RHPN1: variants seen among roughly 807,000 people sequenced by gnomAD.
RHPN1 encodes rhophilin Rho GTPase binding protein 1.
A neutral mutation model predicts 74.7 loss-of-function variants in RHPN1; 77 were observed. The ratio of observed to expected loss-of-function variants is 1.03; its 90% CI spans 0.86 to 1.25. The LOEUF (loss-of-function observed/expected upper bound fraction) is 1.25. RHPN1 is among the 50% of genes most tolerant of loss of function. The pLI, the probability that RHPN1 is intolerant of heterozygous loss-of-function variation, is 0.00. For missense variants in RHPN1, 987 were observed against 932.2 expected, an observed-to-expected ratio of 1.06 and a Z score of -0.77; for synonymous variants, 444 against 414.5, an observed-to-expected ratio of 1.07 and a Z score of -0.87.
intron 3 of RHPN1, among the ~76,000 whole-genome samples, chr8:143,377,086 G>T (rs1388216993): frequency 6.6e-6 from 1 of 151,728 alleles, no homozygotes; most frequent in Admixed American, 6.6e-5. Context: ...GCACGTGTGT[G>T]CATATATGTG....
chr8:143,367,714 A>G (rs1173215514), upstream of RHPN1: 1 of 152,220 alleles, frequency 6.6e-6, no homozygotes, highest in East Asian at 1.9e-4. Flanking sequence ...CTCAGCTCCA[A>G]GGCTCCGCTG....
upstream of RHPN1, among the ~76,000 whole-genome samples, chr8:143,365,083 A>G (rs1458476424): frequency 1.3e-5 from 2 of 152,202 alleles, no homozygotes. Context: ...AACAGTGGCC[A>G]AAATACACGG....
At chr8:143,368,790 C>T (rs949001922), upstream of RHPN1, 5 of 338,828 alleles carry the variant, frequency 1.5e-5, no homozygotes, top group Admixed American at 9.8e-5. Flanking sequence ...GGGCAATGGC[C>T]AGCTTCGCAC....
Position 143,384,102 on chromosome 8 carries a change from G to T in RHPN1, c.*1451G>T, listed in dbSNP as rs78344154. 5,694 of 152,224 alleles carry T rather than the reference G, an allele frequency of 0.037. 303 individuals carry two copies. Among genetic ancestry groups the T allele is most frequent in the African/African-American group, 0.13 (5,370 of 41,520 alleles). 9.4% of individuals were successfully genotyped at this position (152,224 alleles called of 1,614,324 possible). A position where few individuals can be genotyped will look rare whatever the true frequency, so the allele number is the denominator to read the frequency against. ...CTCCCCAACCTGCCTGAGCCGGGGT[G>T]GGGGTCCAGGTCCCCCACTTGCCCT... is the stretch of plus-strand genomic sequence containing the variant. On this transcript the variant is annotated 3_prime_UTR_variant, in exon 15 of 15. Transcript: ENST00000289013.
At chr8:143,377,344 G>A (rs749223219) in intron 3 of RHPN1, 36 bp from the exon 4 acceptor site, 3 of 1,575,702 alleles carry the variant, frequency 1.9e-6, no homozygotes, top group South Asian at 2.2e-5. Context: ...AGCAGGGTTT[G>A]GCCTTACAGT....
chr8:143,381,307 T>C lies in RHPN1; in HGVS notation c.1451T>C (p.Leu484Pro). The C allele has an allele frequency of 6.2e-7, 1 of 1,612,898 alleles. No individual in the cohort carries two copies. The highest frequency in any genetic ancestry group is 8.5e-7 in the Non-Finnish European group (1 of 1,179,630). The change falls in exon 12 of 15, where the codon CTG (leucine) becomes CCG (proline). Residue 484 changes from leucine (L) to proline (P), a missense_variant. Leu to Pro is a moderately conservative substitution (Grantham distance 98). Transcript: ENST00000289013. ...HQKPEARMPR[L>P]SQGKGPDIFH... ...AAGCCAGAGGCCAGGATGCCACGCC[T>C]GTCCCAGGGGAAGGGGCCTGACATC...
In RHPN1 at chr8:143,379,075, G is replaced by T; in HGVS notation, c.748G>T (p.Ala250Ser). Reference protein sequence around the residue: ...RRAMEAFQRAAGAFSLLRENF... With the variant: ...RRAMEAFQRASGAFSLLRENF... The stretch of plus-strand genomic sequence containing the variant: ...CGCTATGGAGGCCTTCCAGAGGGCC[G>T]CTGGTGAGGGCGGCCCGGGCCGCGG... The change falls in exon 7 of 15, where the codon GCT becomes TCT. Residue 250 changes from alanine to serine, a missense_variant. Ala to Ser is a moderately conservative substitution (Grantham distance 99, BLOSUM62 1). Coordinates refer to ENST00000289013, the MANE Select transcript of RHPN1 (RefSeq NM_052924.3). 6.6e-7 allele frequency: 1 copy of T among 1,509,944 alleles called. No individual in the cohort carries two copies. Among genetic ancestry groups the T allele is most frequent in the Non-Finnish European group, 8.8e-7 (1 of 1,130,540 alleles). 93.5% of individuals were successfully genotyped at this position (1,509,944 alleles called of 1,614,324 possible).
At chr8:143,377,621 G>A (rs146326037) in intron 4 of RHPN1, among the ~76,000 whole-genome samples, 166 bp downstream of exon 4, 356 of 152,208 alleles carry the variant, frequency 2.3e-3, no homozygotes, top group Middle Eastern at 0.01. Flanking sequence ...ATGGCCACAG[G>A]GACCCAGCCT....
rs750924830 is a variant in RHPN1, at chr8:143,376,511, G to A, written c.177-14G>A. 8.1e-6 allele frequency: 13 copies of A among 1,611,170 alleles called. No homozygotes were observed. Among genetic ancestry groups the A allele is most frequent in the South Asian group, 1.1e-5 (1 of 90,918 alleles). ...CCTTGGGGCTGGGCTTTCAACTGCC[G>A]CGGCCTCCCTCAGAGCCACCAGCAA... On this transcript the variant is annotated splice_polypyrimidine_tract_variant and intron_variant, in intron 2 of 14. Coordinates refer to ENST00000289013, the MANE Select transcript of RHPN1 (RefSeq NM_052924.3).
In RHPN1 at chr8:143,382,575, C is replaced by T. The variant is rs1385632265; in HGVS notation, c.1937C>T (p.Thr646Ile). 2 of 1,611,476 alleles carry T rather than the reference C, an allele frequency of 1.2e-6. No individual in the cohort carries two copies. The highest frequency in any genetic ancestry group is 2.7e-5 in the African/African-American group (2 of 75,030). Residue 646 changes from threonine to isoleucine, a missense_variant, in exon 15 of 15, where the codon ACT becomes ATT. Thr to Ile is a moderately conservative substitution (Grantham distance 89). Transcript: ENST00000289013. ...NWSRKAQQGK[T>I]GGCPQPCAPV... Reference sequence around the variant, plus strand: ...AGCCGAAAGGCCCAGCAGGGCAAGACTGGAGGCTGCCCCCAGCCCTGTGCC... The same window carrying T: ...AGCCGAAAGGCCCAGCAGGGCAAGATTGGAGGCTGCCCCCAGCCCTGTGCC...
In RHPN1 at chr8:143,381,359, C is replaced by G. The variant is rs781643663; in HGVS notation, c.1488+15C>G. The G allele has an allele frequency of 1.4e-5, 23 of 1,598,204 alleles. No homozygotes were observed. The East Asian group carries it at 5.2e-4, about 36-fold the overall frequency. ...TCCATCGGCTGGTGAGCACACCCGT[C>G]CCCAGGCACCGCCCAGCATGGGCAG... On this transcript the variant is annotated intron_variant, in intron 12 of 14. Coordinates refer to ENST00000289013, the MANE Select transcript of RHPN1 (RefSeq NM_052924.3).
Position 143,382,446 on chromosome 8 carries a change from G to A in RHPN1, c.1808G>A (p.Arg603Gln), listed in dbSNP as rs376102578. The A allele has an allele frequency of 3.6e-5, 57 of 1,568,458 alleles. No individual in the cohort carries two copies. The highest frequency in any genetic ancestry group is 3.1e-4 in the East Asian group (13 of 42,204). Residue 603 changes from arginine (R) to glutamine (Q), a missense_variant, in exon 15 of 15, where the codon CGG (arginine) becomes CAG (glutamine). Coordinates refer to ENST00000289013, the MANE Select transcript of RHPN1 (RefSeq NM_052924.3). ...SSRLPSLGDR[R>Q]PVLLGPRGLL... The stretch of plus-strand genomic sequence containing the variant: ...CTGTCCCTGCTGCAGGGGGACCGCC[G>A]GCCCGTCCTGCTGGGCCCCAGGGGG...
intron 14 of RHPN1, 101 bp from the exon 15 acceptor site, chr8:143,382,335 G>T (rs939169283): frequency 1.0e-5 from 11 of 1,051,088 alleles, no homozygotes; most frequent in Non-Finnish European, 1.5e-5. Context: ...AGCCCCCGAC[G>T]TGCCAGCCCC....
rs377247062 is a variant in RHPN1, at chr8:143,380,618, G to A, written c.1246G>A (p.Gly416Arg). ...GKAHLKRAILGQEEALRLHAL... is the reference protein window; with the variant it reads ...GKAHLKRAILRQEEALRLHAL... ...GGCACACCTGAAGCGTGCCATCCTG[G>A]GGCAGGAGGAGGCGCTGCGGCTGCA... The change falls in exon 11 of 15, where the codon GGG becomes AGG. Residue 416 changes from glycine to arginine, a missense_variant. Gly to Arg is a moderately radical substitution (Grantham distance 125). Transcript: ENST00000289013. 7 of 1,545,304 alleles carry A rather than the reference G, an allele frequency of 4.5e-6. No individual in the cohort carries two copies. In the African/African-American group the frequency reaches 8.2e-5, roughly 18 times the overall value.
upstream of RHPN1, chr8:143,366,735 C>T (rs1817563084): frequency 6.6e-6 from 1 of 152,204 alleles, no homozygotes; most frequent in Non-Finnish European, 1.5e-5. Flanking sequence ...CTTAACTTCC[C>T]AATGGCCTCT....
chr8:143,380,872 G>T (rs1818676501), intron 11 of RHPN1, 89 bp downstream of exon 11: 2 of 1,056,620 alleles, frequency 1.9e-6, no homozygotes, highest in Non-Finnish European at 2.7e-6. Context: ...TTGCATTAAA[G>T]ATGCAGTCAC....
intron 2 of RHPN1, among the ~76,000 whole-genome samples, 186 bp from the exon 3 acceptor site, chr8:143,376,339 C>T (rs906382416): frequency 2.0e-5 from 3 of 152,228 alleles, no homozygotes; most frequent in Non-Finnish European, 2.9e-5. Context: ...TAGGGGGCAT[C>T]ACCTGTGAGC....
Position 143,378,720 on chromosome 8 carries a change from G to C in RHPN1, c.484G>C (p.Glu162Gln). 6.3e-7 allele frequency: 1 copy of C among 1,596,020 alleles called. No homozygotes were observed. The highest frequency in any genetic ancestry group is 8.5e-7 in the Non-Finnish European group (1 of 1,172,198). Residue 162 changes from glutamate to glutamine, a missense_variant, in exon 6 of 15, where the codon GAG becomes CAG. Physicochemically the swap from Glu to Gln is conservative, Grantham distance 29. Transcript: ENST00000289013. ...RQAMRTPSRN[E>Q]SGLELLTAYY... ...GGCCATGCGGACCCCCAGCCGGAAT[G>C]AGTCGGGCCTGGAGCTGCTCACAGC...
chr8:143,374,081 A>G (rs1319139966), intron 1 of RHPN1: 4 of 970,118 alleles, frequency 4.1e-6, no homozygotes, highest in Non-Finnish European at 4.9e-6. Context: ...GGAATAAACT[A>G]ATTAAAATGC....
Sources: gnomAD v4.1 joint callset for allele counts (sites outside exome capture counted in the v4.1 genomes callset) on GRCh38, gnomAD v4.1.1 for gene constraint, MANE v1.5 for transcripts, NCBI Gene and HGNC (gene_info 2026-07-23, HGNC 2026-07-21) for gene names.